The following KCNAB1 variants were observed in gnomAD, a reference collection of about 807,000 sequenced individuals.
KCNAB1 encodes the protein potassium voltage-gated channel subfamily A regulatory beta subunit 1, also known as voltage-gated potassium channel subunit beta-1.
In KCNAB1, 35 loss-of-function variants were observed where a neutral mutation model predicts 64.6. That is an observed-to-expected ratio of 0.54 (90% CI 0.41 to 0.72). The LOEUF is 0.72. Ranked by LOEUF, KCNAB1 falls within the 30% of genes least tolerant of loss-of-function variation. KCNAB1 has a pLI of 0.00. For synonymous variants in KCNAB1, 177 were observed against 183.8 expected, an observed-to-expected ratio of 0.96 and a Z score of 0.30; for missense variants, 401 against 512.9, an observed-to-expected ratio of 0.78 and a Z score of 2.11.
At chr3:156,299,291 C>G (rs564816521) in intron 1 of KCNAB1, among the ~76,000 whole-genome samples, 41 of 152,380 alleles carry the variant, frequency 2.7e-4, no homozygotes, top group African/African-American at 9.6e-4. Flanking sequence ...GCTTTTATCT[C>G]TGGAAGTAGC....
intron 1 of KCNAB1, among the ~76,000 whole-genome samples, chr3:156,340,121 C>T (rs1008613372): frequency 1.1e-4 from 16 of 152,182 alleles, no homozygotes; most frequent in South Asian, 8.3e-4. Context: ...CTGAGGGATC[C>T]ACAGAGAATC....
chr3:156,292,076 C>T lies in KCNAB1; in HGVS notation c.276-129540C>T, dbSNP rs771307522. The stretch of plus-strand genomic sequence containing the variant: ...CAGCCTGGGGACGTTCACGCCTCAG[C>T]ATCACATTTCTCTCAAAGAGTCCAC... On this transcript the variant is annotated intron_variant, in intron 1 of 13. Coordinates refer to ENST00000490337, the MANE Select transcript of KCNAB1 (RefSeq NM_172160.3). The T allele has an allele frequency of 1.8e-5, 29 of 1,613,994 alleles. No homozygotes were observed. The Admixed American group carries it at 2.7e-4, about 15-fold the overall frequency.
chr3:156,217,665 G>A (rs1300882580), intron 1 of KCNAB1, among the ~76,000 whole-genome samples: 1 of 152,188 alleles, frequency 6.6e-6, no homozygotes, highest in African/African-American at 2.4e-5. Context: ...GAGCTGCTTT[G>A]GCATTTATTA....
chr3:156,387,218 C>A (rs1003463934), intron 1 of KCNAB1, among the ~76,000 whole-genome samples: 7 of 151,866 alleles, frequency 4.6e-5, no homozygotes, highest in Non-Finnish European at 1.0e-4. Flanking sequence ...AGCCCCGGGC[C>A]AGAAAAAACA....
At chr3:156,221,717 G>T (rs1715751395) in intron 1 of KCNAB1, among the ~76,000 whole-genome samples, 1 of 151,856 alleles carries the variant, frequency 6.6e-6, no homozygotes, top group Non-Finnish European at 1.5e-5. Context: ...GGCAGAGGTT[G>T]CAGTGAGCTG....
At chr3:156,185,449 GAATT>G (rs1713127513) in intron 1 of KCNAB1, among the ~76,000 whole-genome samples, 1 of 152,170 alleles carries the variant, frequency 6.6e-6, no homozygotes, top group Non-Finnish European at 1.5e-5. Flanking sequence ...ATTAGCCTGA[GAATT>G]AAGTTGATGT....
chr3:156,137,242 T>C (rs571577439), intron 1 of KCNAB1, among the ~76,000 whole-genome samples: 1 of 151,822 alleles, frequency 6.6e-6, no homozygotes, highest in Non-Finnish European at 1.5e-5. Flanking sequence ...ATTGTTTTTA[T>C]GCTATAACGC....
At chr3:156,207,285 GTATT>G (rs1433731839) in intron 1 of KCNAB1, among the ~76,000 whole-genome samples, 2 of 152,150 alleles carry the variant, frequency 1.3e-5, no homozygotes, top group Non-Finnish European at 1.5e-5. Context: ...TCCCCATTGG[GTATT>G]TATACTCTCC....
At chr3:156,315,754 T>C (rs1722232903) in intron 1 of KCNAB1, among the ~76,000 whole-genome samples, 1 of 152,256 alleles carries the variant, frequency 6.6e-6, no homozygotes. Context: ...TATCATATTC[T>C]CTAAAGTTAT....
chr3:156,417,103 G>T (rs1715128533), intron 1 of KCNAB1, among the ~76,000 whole-genome samples: 2 of 152,104 alleles, frequency 1.3e-5, no homozygotes, highest in African/African-American at 4.8e-5. Flanking sequence ...ATTACTATTT[G>T]TAGCCACCTT....
At chr3:156,279,604 T>C in intron 1 of KCNAB1, among the ~76,000 whole-genome samples, 1 of 151,982 alleles carries the variant, frequency 6.6e-6, no homozygotes, top group Non-Finnish European at 1.5e-5. Context: ...GTGTTCCTAT[T>C]TCTCCACATC....
rs947377078 is a variant in KCNAB1 at position 156,223,942 on chromosome 3, C to T, written c.275+103056C>T. Reference sequence around the variant, plus strand: ...TCAGCCCTTGGGTGGTTGATGGGACCGGGCTCCGTGGAGCAGGGGGCAGCG... The same window carrying T: ...TCAGCCCTTGGGTGGTTGATGGGACTGGGCTCCGTGGAGCAGGGGGCAGCG... On this transcript the variant is annotated intron_variant, in intron 1 of 13. Transcript: ENST00000490337. Among the ~76,000 whole-genome samples the T allele has an allele frequency of 4.5e-4, 68 of 152,350 alleles. 1 individual carries two copies. The highest frequency in any genetic ancestry group is 1.3e-3 in the African/African-American group (56 of 41,592).
At chr3:156,118,473 C>T (rs1713175119), upstream of KCNAB1, 2 of 266,952 alleles carry the variant, frequency 7.5e-6, no homozygotes, top group Non-Finnish European at 7.7e-6. Context: ...GAAGCTCATC[C>T]AGATTCAAGG....
At chr3:156,453,044 A>C (rs1712121995) in intron 3 of KCNAB1, 108 bp downstream of exon 3, 1 of 634,044 alleles carries the variant, frequency 1.6e-6, no homozygotes, top group Non-Finnish European at 2.8e-6. Context: ...ATAAGGTTTA[A>C]TTCACAGGAA....
intron 1 of KCNAB1, among the ~76,000 whole-genome samples, chr3:156,355,112 A>C (rs1157678566): frequency 1.3e-5 from 2 of 152,226 alleles, no homozygotes; most frequent in Non-Finnish European, 2.9e-5. Flanking sequence ...CTTGTGTTTC[A>C]GTCTAAAAGA....
chr3:156,307,338 G>T (rs1173695430), intron 1 of KCNAB1, among the ~76,000 whole-genome samples: 1 of 148,598 alleles, frequency 6.7e-6, no homozygotes, highest in African/African-American at 2.5e-5. Context: ...TGAAAACCAG[G>T]AACTTCTTAA....
At chr3:156,412,903 T>G (rs902750263) in intron 1 of KCNAB1, among the ~76,000 whole-genome samples, 1 of 152,210 alleles carries the variant, frequency 6.6e-6, no homozygotes, top group South Asian at 2.1e-4. Flanking sequence ...TTGAGCTTCA[T>G]TGTTTTGATG....
At chr3:156,538,831 A>AGAT (rs1279966189), downstream of KCNAB1, 28 of 152,364 alleles carry the variant, frequency 1.8e-4, no homozygotes, top group African/African-American at 3.6e-4. Flanking sequence ...CAATCAATGG[A>AGAT]GATTAACTAC....
At chr3:156,469,319 C>G (rs571711288) in intron 7 of KCNAB1, among the ~76,000 whole-genome samples, 1 of 142,104 alleles carries the variant, frequency 7.0e-6, no homozygotes. Flanking sequence ...TGCAGTGGCA[C>G]GATCTCGGCT....
Sources: allele counts gnomAD v4.1 joint callset (sites outside exome capture counted in the v4.1 genomes callset), GRCh38; gene constraint gnomAD v4.1.1; transcripts MANE v1.5; gene names NCBI Gene and HGNC (gene_info 2026-07-23, HGNC 2026-07-21).